The following ROBO2 variants were observed in gnomAD, a reference collection of about 807,000 sequenced individuals.
ROBO2 encodes roundabout guidance receptor 2.
Under a neutral mutation model 160.8 loss-of-function variants are expected in ROBO2, and 53 were observed. The observed-to-expected ratio is 0.33, with a 90% CI of 0.26 to 0.41. The LOEUF is 0.41. ROBO2 is among the 10% of genes least tolerant of loss of function. ROBO2 has a pLI of 1.00. For missense variants in ROBO2, 1,577 were observed against 1,722.4 expected (o/e 0.92, Z 1.49); for synonymous variants, 664 against 611.7 (o/e 1.09, Z -1.26).
At chr3:76,549,953 A>C (rs1046441419) in intron 2 of ROBO2, among the ~76,000 whole-genome samples, 1 of 152,130 alleles carries the variant, frequency 6.6e-6, no homozygotes, top group African/African-American at 2.4e-5. Context: ...CTCCCTTTTT[A>C]CAGTTTTAGA....
At chr3:76,028,188 C>T (rs573068372) in intron 2 of ROBO2, among the ~76,000 whole-genome samples, 30 of 151,742 alleles carry the variant, frequency 2.0e-4, no homozygotes, top group African/African-American at 6.8e-4. Context: ...CAATAAAACA[C>T]GTGAAAGAAA....
Position 76,173,552 on chromosome 3 carries a change from G to A in ROBO2, c.109+235950G>A, listed in dbSNP as rs150581831. Among the ~76,000 whole-genome samples the A allele has an allele frequency of 8.9e-4, 135 of 151,082 alleles. 1 individual carries two copies. Among genetic ancestry groups the A allele is most frequent in the African/African-American group, 3.0e-3 (122 of 41,098 alleles). The stretch of plus-strand genomic sequence containing the variant: ...GACAGGCCCCAATGTGCGATATTCC[G>A]CTTCCTGTGTCCATGTGTTCTTATT... On this transcript the variant is annotated intron_variant, in intron 2 of 26. Transcript: ENST00000487694.
At chr3:76,411,027 T>G (rs1577024048) in intron 2 of ROBO2, among the ~76,000 whole-genome samples, 1 of 152,248 alleles carries the variant, frequency 6.6e-6, no homozygotes, top group East Asian at 1.9e-4. Context: ...GATTTTTTTT[T>G]AATGATAGGT....
chr3:76,787,031 C>A (rs929782533), intron 2 of ROBO2, among the ~76,000 whole-genome samples: 3 of 151,200 alleles, frequency 2.0e-5, no homozygotes, highest in Middle Eastern at 3.4e-3. Context: ...AGAAAGATAG[C>A]TAAGAGGGAA....
At chr3:76,714,808 T>C (rs2093353697) in intron 2 of ROBO2, among the ~76,000 whole-genome samples, 1 of 152,150 alleles carries the variant, frequency 6.6e-6, no homozygotes, top group African/African-American at 2.4e-5. Context: ...CAGATCAGTA[T>C]CCGATGTGAA....
chr3:76,586,026 T>A (rs1005520363), intron 2 of ROBO2, among the ~76,000 whole-genome samples: 1 of 152,148 alleles, frequency 6.6e-6, no homozygotes, highest in African/African-American at 2.4e-5. Flanking sequence ...ATAGATAAAC[T>A]TGGATTTTAT....
chr3:77,436,307 A>G (rs1010355282), intron 2 of ROBO2, among the ~76,000 whole-genome samples: 2 of 149,502 alleles, frequency 1.3e-5, no homozygotes, highest in Non-Finnish European at 3.0e-5. Context: ...TACTGTAGTG[A>G]AATATATGCA....
chr3:76,853,575 T>G (rs1382480133), intron 2 of ROBO2, among the ~76,000 whole-genome samples: 2 of 152,136 alleles, frequency 1.3e-5, no homozygotes, highest in East Asian at 3.8e-4. Context: ...TATGCACTTT[T>G]GGGTGGAGAT....
At chr3:77,625,794 A>C (rs1035796942) in intron 23 of ROBO2, among the ~76,000 whole-genome samples, 2 of 152,186 alleles carry the variant, frequency 1.3e-5, no homozygotes, top group African/African-American at 4.8e-5. Context: ...ACAAACAAAA[A>C]CTAAGAAGAA....
chr3:76,718,769 T>C (rs79276995), intron 2 of ROBO2, among the ~76,000 whole-genome samples: 4,486 of 152,312 alleles, frequency 0.029, 98 homozygotes, highest in Middle Eastern at 0.048. Flanking sequence ...CAAATGTAGG[T>C]TGAAATAATG....
chr3:76,312,424 C>A (rs2071654377), intron 2 of ROBO2, among the ~76,000 whole-genome samples: 1 of 152,178 alleles, frequency 6.6e-6, no homozygotes. Flanking sequence ...TCAGTCTGAT[C>A]TTTCTGCTTC....
At chr3:77,360,249 GC>G (rs1475894143) in intron 2 of ROBO2, among the ~76,000 whole-genome samples, 8 of 133,234 alleles carry the variant, frequency 6.0e-5, no homozygotes, top group Non-Finnish European at 9.5e-5. Flanking sequence ...AGAATGTAAT[GC>G]AACCCCCCCC....
chr3:77,315,621 T>A (rs1161087750), intron 2 of ROBO2, among the ~76,000 whole-genome samples: 2 of 152,224 alleles, frequency 1.3e-5, no homozygotes, highest in African/African-American at 4.8e-5. Flanking sequence ...GTGAAAGATT[T>A]TTGAAAGTTA....
chr3:76,255,117 A>G (rs964789260), intron 2 of ROBO2, among the ~76,000 whole-genome samples: 2 of 152,116 alleles, frequency 1.3e-5, no homozygotes, highest in Non-Finnish European at 2.9e-5. Flanking sequence ...GAGAAAAGTC[A>G]TTGTGCCTGT....
intron 2 of ROBO2, among the ~76,000 whole-genome samples, chr3:76,800,264 C>T (rs1236099759): frequency 5.9e-5 from 9 of 152,112 alleles, no homozygotes; most frequent in Non-Finnish European, 1.3e-4. Context: ...AACTGTAAAA[C>T]TACTAAACGG....
In ROBO2 at chr3:76,955,768, C is replaced by G. The variant is rs183261696; in HGVS notation, c.110-142246C>G. On this transcript the variant is annotated intron_variant, in intron 2 of 26. Transcript: ENST00000487694. ...AACATAGATTTAGAAAATACACTAA[C>G]TTCACAAAAATTAGCCAGGCATGGT... 6.3e-4 allele frequency among the ~76,000 whole-genome samples: 95 copies of G among 151,882 alleles called. 1 individual carries two copies. The highest frequency in any genetic ancestry group is 3.3e-3 in the South Asian group (16 of 4,814).
At chr3:77,233,046 C>T (rs534492443) in intron 2 of ROBO2, among the ~76,000 whole-genome samples, 5 of 152,120 alleles carry the variant, frequency 3.3e-5, no homozygotes, top group African/African-American at 1.2e-4. Context: ...ACAATATAAG[C>T]AGGTGGAATA....
At chr3:77,249,976 A>AT (rs1371204010) in intron 2 of ROBO2, among the ~76,000 whole-genome samples, 6 of 152,062 alleles carry the variant, frequency 3.9e-5, no homozygotes, top group East Asian at 1.9e-4. Flanking sequence ...ATCCAAAGTA[A>AT]TTTTTTTCTA....
intron 2 of ROBO2, among the ~76,000 whole-genome samples, chr3:76,525,043 T>A (rs961636222): frequency 4.0e-5 from 6 of 151,570 alleles, no homozygotes; most frequent in Non-Finnish European, 8.9e-5. Flanking sequence ...TACTGAGGTG[T>A]AAACAAAACC....
Sources: gnomAD v4.1 joint callset for allele counts (sites outside exome capture counted in the v4.1 genomes callset) on GRCh38, gnomAD v4.1.1 for gene constraint, MANE v1.5 for transcripts, NCBI Gene and HGNC (gene_info 2026-07-23, HGNC 2026-07-21) for gene names.